HGD: variants seen among roughly 807,000 people sequenced by gnomAD.
The protein encoded by HGD is homogentisate 1,2-dioxygenase.
In HGD, 61 loss-of-function variants were observed where a neutral mutation model predicts 60.8. The observed-to-expected ratio is 1.00, with a 90% CI of 0.82 to 1.24. The LOEUF is 1.24. HGD is among the 50% of genes most tolerant of loss of function. The pLI is 0.00. For synonymous variants in HGD, 212 were observed against 187.7 expected (o/e 1.13, Z -1.06); for missense variants, 542 against 547.1 (o/e 0.99, Z 0.09).
intron 3 of HGD, chr3:120,674,576 CA>C (rs1383615782): frequency 3.8e-6 from 1 of 265,748 alleles, no homozygotes; most frequent in Non-Finnish European, 7.5e-6. Context: ...AGGTAAACCC[CA>C]AGCCAAAACT....
intron 3 of HGD, among the ~76,000 whole-genome samples, chr3:120,673,519 G>A (rs1310118343): frequency 6.6e-6 from 1 of 152,168 alleles, no homozygotes; most frequent in South Asian, 2.1e-4. Context: ...GAGAGAGAGA[G>A]AGAGATGATT....
intron 13 of HGD, among the ~76,000 whole-genome samples, chr3:120,632,884 T>A (rs551280980): frequency 6.6e-6 from 1 of 152,250 alleles, no homozygotes; most frequent in Non-Finnish European, 1.5e-5. Flanking sequence ...TTGTTCAAGA[T>A]CCTGTAGGAA....
chr3:120,645,376 G>T (rs1388876382), intron 9 of HGD, among the ~76,000 whole-genome samples: 1 of 152,154 alleles, frequency 6.6e-6, no homozygotes, highest in South Asian at 2.1e-4. Flanking sequence ...GCCTGTCCCT[G>T]TTTGCTCTAA....
intron 4 of HGD, among the ~76,000 whole-genome samples, chr3:120,658,978 C>T (rs1941580177): frequency 6.6e-6 from 1 of 152,182 alleles, no homozygotes; most frequent in Non-Finnish European, 1.5e-5. Context: ...TGGGCCTGGC[C>T]CACAAAATCA....
intron 9 of HGD, 35 bp from the exon 10 acceptor site, chr3:120,644,478 T>C (rs1941097122): frequency 6.2e-7 from 1 of 1,613,618 alleles, no homozygotes; most frequent in Non-Finnish European, 8.5e-7. Flanking sequence ...TTTTAGAAAC[T>C]TCCAAAACAT....
At chr3:120,660,060 C>A (rs1280321686) in intron 4 of HGD, among the ~76,000 whole-genome samples, 1 of 152,048 alleles carries the variant, frequency 6.6e-6, no homozygotes, top group African/African-American at 2.4e-5. Flanking sequence ...GCGTGTAGCA[C>A]CTCCCTCCTC....
intron 13 of HGD, among the ~76,000 whole-genome samples, chr3:120,632,509 A>G (rs960131928): frequency 1.3e-5 from 2 of 152,266 alleles, no homozygotes; most frequent in Non-Finnish European, 2.9e-5. Flanking sequence ...AGTTGCATCC[A>G]TGCCAAAGCA....
intron 4 of HGD, among the ~76,000 whole-genome samples, chr3:120,669,033 G>T (rs200538659): frequency 1.3e-5 from 2 of 152,052 alleles, no homozygotes; most frequent in Admixed American, 1.3e-4. Context: ...AAGTAATAAC[G>T]ATAATTAGAG....
intron 1 of HGD, chr3:120,677,848 C>T (rs1456994382): frequency 6.6e-6 from 1 of 152,208 alleles, no homozygotes; most frequent in Non-Finnish European, 1.5e-5. Context: ...CTTTTGTACT[C>T]TGTCCCTTTA....
chr3:120,639,758 T>G (rs1402869859), intron 11 of HGD, among the ~76,000 whole-genome samples: 1 of 152,224 alleles, frequency 6.6e-6, no homozygotes, highest in Non-Finnish European at 1.5e-5. Context: ...AGTGGTTCAT[T>G]GCTTTCCTAC....
rs1399370137 is a variant in HGD, at chr3:120,670,498, T to C, written c.211A>G (p.Lys71Glu). 1 of 1,608,996 alleles carries C rather than the reference T, an allele frequency of 6.2e-7. No homozygotes were observed. The highest frequency in any genetic ancestry group is 8.5e-7 in the Non-Finnish European group (1 of 1,175,438). The change falls in exon 4 of 14, where the codon AAG (lysine) becomes GAG (glutamate). Residue 71 changes from lysine to glutamate, a missense_variant. Physicochemically the swap from Lys to Glu is moderately conservative, Grantham distance 56 (BLOSUM62 1). This residue lies in a region of HGD where 537 missense variants were observed against 529.1 expected (regional missense o/e 1.01). Coordinates refer to ENST00000283871, the MANE Select transcript of HGD (RefSeq NM_000187.4). ...LYRILPSVSH[K>E]PFESIDEGQV... ...CCTTCGTCAATGGATTCAAAGGGCT[T>C]GTGAGAAACTGAAGGTAGAATCCTA...
chr3:120,650,031 C>G (rs1461739550), intron 6 of HGD, among the ~76,000 whole-genome samples: 1 of 152,178 alleles, frequency 6.6e-6, no homozygotes, highest in Non-Finnish European at 1.5e-5. Flanking sequence ...GGTGCCTCTA[C>G]TTGCAAGTGT....
Position 120,642,178 on chromosome 3 carries a change from A to G in HGD, c.775-485T>C, listed in dbSNP as rs574744327. 5.9e-5 allele frequency among the ~76,000 whole-genome samples: 9 copies of G among 152,318 alleles called. 1 individual carries two copies. The South Asian group carries it at 1.9e-3, about 32-fold the overall frequency. ...AAGGCCTCTAAAAGTTCCAACTCCA[A>G]GGACTTGAGATTTCAGAGCAATCCT... On this transcript the variant is annotated intron_variant, in intron 10 of 13. Transcript: ENST00000283871.
chr3:120,676,112 T>A lies in HGD; in HGVS notation c.16-249A>T, dbSNP rs142808956. Among the ~76,000 whole-genome samples the A allele has an allele frequency of 1.6e-3, 238 of 152,248 alleles. 1 individual carries two copies. Among genetic ancestry groups the A allele is most frequent in the African/African-American group, 5.2e-3 (217 of 41,530 alleles). On this transcript the variant is annotated intron_variant, in intron 1 of 13. Transcript: ENST00000283871. The stretch of plus-strand genomic sequence containing the variant: ...TTGCATAGACTTCTCCACCCTTAGC[T>A]GTACTTAGCTGATTTGTGGGTCTAC...
intron 11 of HGD, 149 bp from the exon 12 acceptor site, chr3:120,638,730 T>C: frequency 1.1e-6 from 1 of 880,480 alleles, no homozygotes. Flanking sequence ...GATAGAGGGA[T>C]ACATATGCAG....
At chr3:120,659,738 A>G (rs1208075322) in intron 4 of HGD, among the ~76,000 whole-genome samples, 1 of 152,126 alleles carries the variant, frequency 6.6e-6, no homozygotes, top group African/African-American at 2.4e-5. Context: ...TTTCTTTGTT[A>G]GTTCGTTCTT....
chr3:120,655,384 C>T (rs963055351), intron 4 of HGD, among the ~76,000 whole-genome samples: 3 of 152,198 alleles, frequency 2.0e-5, no homozygotes, highest in African/African-American at 2.4e-5. Context: ...CTTGACGAAC[C>T]TTCTCTAATG....
intron 4 of HGD, among the ~76,000 whole-genome samples, chr3:120,661,749 A>G (rs894633241): frequency 2.0e-5 from 3 of 152,240 alleles, no homozygotes; most frequent in Non-Finnish European, 2.9e-5. Context: ...GCTGTCCAAA[A>G]GGGCTGAGCA....
chr3:120,681,457 G>T (rs1708228808), intron 1 of HGD, among the ~76,000 whole-genome samples: 1 of 152,164 alleles, frequency 6.6e-6, no homozygotes, highest in African/African-American at 2.4e-5. Context: ...GTCATCTATT[G>T]GCAGTGACCT....
Sources: allele counts gnomAD v4.1 joint callset (sites outside exome capture counted in the v4.1 genomes callset), GRCh38; gene constraint gnomAD v4.1.1; regional missense constraint gnomAD v4.1.1; transcripts MANE v1.5; gene names NCBI Gene and HGNC (gene_info 2026-07-23, HGNC 2026-07-21).